Variants in SLC24A2 observed in about 807,000 individuals in gnomAD.
SLC24A2 encodes sodium/potassium/calcium exchanger 2.
SLC24A2 carries 36 observed loss-of-function variants against 62.0 expected under a neutral mutation model. The ratio of observed to expected loss-of-function variants is 0.58; its 90% confidence interval spans 0.44 to 0.77. The LOEUF (loss-of-function observed/expected upper bound fraction) is 0.77. Ranked by LOEUF, SLC24A2 falls within the 30% of genes least tolerant of loss-of-function variation. SLC24A2 has a pLI of 0.00. For synonymous variants in SLC24A2, 358 were observed against 294.0 expected, an observed-to-expected ratio of 1.22 and a Z score of -2.23; for missense variants, 846 against 817.9, an observed-to-expected ratio of 1.03 and a Z score of -0.42.
chr9:19,858,042 G>T, the SLC24A2 span, among the ~76,000 whole-genome samples: 93 of 152,272 alleles, frequency 6.1e-4, no homozygotes, highest in African/African-American at 2.2e-3. Flanking sequence ...AGCCTGAATA[G>T]CCAAGGCAAT....
chr9:19,909,124 C>T, the SLC24A2 span, among the ~76,000 whole-genome samples: 19 of 152,140 alleles, frequency 1.2e-4, no homozygotes, highest in Admixed American at 5.9e-4. Context: ...AAATGTGGCA[C>T]ATATATACCA....
At chr9:19,699,070 A>G (rs1426050067) in intron 2 of SLC24A2, among the ~76,000 whole-genome samples, 1 of 152,154 alleles carries the variant, frequency 6.6e-6, no homozygotes, top group Non-Finnish European at 1.5e-5. Context: ...AATAAGATGG[A>G]ATTCCTGCCT....
the SLC24A2 span, among the ~76,000 whole-genome samples, chr9:20,109,178 T>C: frequency 2.0e-5 from 3 of 152,188 alleles, no homozygotes; most frequent in Admixed American, 2.0e-4. Context: ...TCTCTGACGT[T>C]CACAGACAAT....
intron 8 of SLC24A2, among the ~76,000 whole-genome samples, chr9:19,542,129 C>T (rs966324947): frequency 7.2e-5 from 11 of 152,170 alleles, no homozygotes; most frequent in Non-Finnish European, 1.0e-4. Flanking sequence ...GAGATGAACC[C>T]GGTACCTCAG....
chr9:20,030,011 T>C, the SLC24A2 span, among the ~76,000 whole-genome samples: 4 of 152,136 alleles, frequency 2.6e-5, no homozygotes, highest in African/African-American at 9.7e-5. Flanking sequence ...ATAGGTGACA[T>C]TGGAGGTGAA....
chr9:19,974,113 A>G, the SLC24A2 span, among the ~76,000 whole-genome samples: 1 of 152,170 alleles, frequency 6.6e-6, no homozygotes, highest in African/African-American at 2.4e-5. Context: ...TAAGCACTGA[A>G]TAAATGTATT....
intron 8 of SLC24A2, among the ~76,000 whole-genome samples, chr9:19,547,313 C>A (rs1834630908): frequency 6.6e-6 from 1 of 152,178 alleles, no homozygotes; most frequent in Non-Finnish European, 1.5e-5. Context: ...GGCTACCCTG[C>A]CCATTCTGCA....
intron 2 of SLC24A2, among the ~76,000 whole-genome samples, chr9:19,698,192 G>T (rs1820247839): frequency 6.6e-6 from 1 of 152,138 alleles, no homozygotes; most frequent in South Asian, 2.1e-4. Flanking sequence ...GCACGGACAT[G>T]ATGCCATAGA....
chr9:20,020,906 A>T, the SLC24A2 span, among the ~76,000 whole-genome samples: 3 of 152,188 alleles, frequency 2.0e-5, no homozygotes, highest in Non-Finnish European at 4.4e-5. Context: ...TTAAATAAGG[A>T]TATATGAAAG....
At chr9:19,869,122 A>G in the SLC24A2 span, among the ~76,000 whole-genome samples, 1 of 152,000 alleles carries the variant, frequency 6.6e-6, no homozygotes, top group South Asian at 2.1e-4. Flanking sequence ...GCTGGGACCA[A>G]AGGCATGTAC....
At chr9:20,201,380 C>A in the SLC24A2 span, among the ~76,000 whole-genome samples, 1 of 152,196 alleles carries the variant, frequency 6.6e-6, no homozygotes, top group Non-Finnish European at 1.5e-5. Flanking sequence ...TTATCAACAA[C>A]TGGTGTGGCT....
the SLC24A2 span, among the ~76,000 whole-genome samples, chr9:20,038,278 A>T: frequency 6.6e-6 from 1 of 152,232 alleles, no homozygotes; most frequent in African/African-American, 2.4e-5. Context: ...GAAGATAATA[A>T]GACAGCCCTC....
At chr9:19,801,727 C>T in the SLC24A2 span, among the ~76,000 whole-genome samples, 4 of 152,166 alleles carry the variant, frequency 2.6e-5, no homozygotes, top group Non-Finnish European at 5.9e-5. Flanking sequence ...AAGTTGCAAG[C>T]CCTGTGTTTA....
chr9:20,282,032 A>G, the SLC24A2 span, among the ~76,000 whole-genome samples: 5 of 152,332 alleles, frequency 3.3e-5, no homozygotes, highest in East Asian at 9.6e-4. Flanking sequence ...AGGAGATGGA[A>G]CATTTTAGCA....
intron 7 of SLC24A2, among the ~76,000 whole-genome samples, chr9:19,569,811 A>G (rs1260524153): frequency 6.7e-6 from 1 of 149,054 alleles, no homozygotes. Context: ...TCCTCCTTCC[A>G]CTCCTCTCTC....
At chr9:19,751,735 A>T (rs1216603589) in intron 2 of SLC24A2, among the ~76,000 whole-genome samples, 1 of 152,164 alleles carries the variant, frequency 6.6e-6, no homozygotes, top group African/African-American at 2.4e-5. Context: ...TGATATGCCA[A>T]TCTGCCCTTC....
chr9:19,980,456 C>T, the SLC24A2 span, among the ~76,000 whole-genome samples: 2,674 of 152,208 alleles, frequency 0.018, 86 homozygotes, highest in African/African-American at 0.06. Context: ...CACTGGAAAG[C>T]TGGTAGAGTT....
At chr9:19,625,257 GGT>G (rs901149660) in intron 2 of SLC24A2, among the ~76,000 whole-genome samples, 2 of 151,824 alleles carry the variant, frequency 1.3e-5, no homozygotes, top group African/African-American at 4.8e-5. Context: ...CCCAATTCCT[GGT>G]AGTCAGCATG....
intron 9 of SLC24A2, among the ~76,000 whole-genome samples, chr9:19,524,489 A>T (rs1586888305): frequency 6.6e-6 from 1 of 151,836 alleles, no homozygotes; most frequent in East Asian, 1.9e-4. Flanking sequence ...ATTTTTTGCC[A>T]AACAGTAGCC....
Sources: gnomAD v4.1 joint callset for allele counts (sites outside exome capture counted in the v4.1 genomes callset) on GRCh38, gnomAD v4.1.1 for gene constraint, MANE v1.5 for transcripts, NCBI Gene and HGNC (gene_info 2026-07-23, HGNC 2026-07-21) for gene names.